PPA2: variants seen among roughly 807,000 people sequenced by gnomAD.
PPA2 encodes the protein inorganic pyrophosphatase 2, mitochondrial.
Under a neutral mutation model 49.5 loss-of-function variants are expected in PPA2, and 48 were observed. The ratio of observed to expected loss-of-function variants is 0.97; its 90% CI spans 0.77 to 1.23. PPA2 has a LOEUF of 1.23. Ranked by LOEUF, PPA2 falls within the 50% of genes most tolerant of loss-of-function variation. PPA2 has a pLI of 0.00. For missense variants in PPA2, 429 were observed against 410.1 expected (o/e 1.05, Z -0.40); for synonymous variants, 131 against 139.9 (o/e 0.94, Z 0.45).
intron 10 of PPA2, among the ~76,000 whole-genome samples, chr4:105,371,507 G>A (rs1057373326): frequency 6.6e-6 from 1 of 152,090 alleles, no homozygotes; most frequent in Non-Finnish European, 1.5e-5. Context: ...CATCCAAGTA[G>A]AGAAATGAAA....
chr4:105,469,236 G>GC (rs529876425), intron 1 of PPA2, among the ~76,000 whole-genome samples: 44 of 152,204 alleles, frequency 2.9e-4, no homozygotes, highest in African/African-American at 7.7e-4. Context: ...GTGTCCTTAG[G>GC]CATTAATTGC....
At chr4:105,394,568 G>C (rs1007664552) in intron 9 of PPA2, among the ~76,000 whole-genome samples, 2 of 152,056 alleles carry the variant, frequency 1.3e-5, no homozygotes, top group African/African-American at 4.8e-5. Flanking sequence ...AAATCACTCA[G>C]AACGTGGAAC....
chr4:105,463,760 C>T lies in PPA2; in HGVS notation c.158-7015G>A, dbSNP rs193049454. Among the ~76,000 whole-genome samples the T allele has an allele frequency of 2.7e-3, 411 of 152,280 alleles. 2 individuals are homozygous for T. The highest frequency in any genetic ancestry group is 9.2e-3 in the African/African-American group (382 of 41,566). On this transcript the variant is annotated intron_variant, in intron 1 of 11. Transcript: ENST00000341695. ...GGTACAGCTTGGGTTTTTGCTTCAGCGGGTGGAAGCCCCAAGACTTGGCAG... is the reference window on the plus strand; with the variant it reads ...GGTACAGCTTGGGTTTTTGCTTCAGTGGGTGGAAGCCCCAAGACTTGGCAG...
rs1733693632 is a variant in PPA2 at position 105,386,591 on chromosome 4, C to T, written c.915G>A (p.Glu305=). The stretch of plus-strand genomic sequence containing the variant: ...CCGATTCAACTAATGATCTTGCTTC[C>T]TCTTGAGTGCAACGGAAAGGGCTAT... ...ISDSPFRCTQ[E]EARSLVESVS... is the part of the protein sequence containing the mutation. The change falls in exon 10 of 12, where the codon GAG becomes GAA. Residue 305 remains glutamate, a synonymous_variant. Coordinates refer to ENST00000341695, the MANE Select transcript of PPA2 (RefSeq NM_176869.3). The T allele has an allele frequency of 2.5e-6, 4 of 1,612,240 alleles. No homozygotes were observed. In the South Asian group the frequency reaches 4.4e-5, roughly 18 times the overall value.
chr4:105,454,170 T>G (rs1722780814), intron 2 of PPA2, among the ~76,000 whole-genome samples: 1 of 152,222 alleles, frequency 6.6e-6, no homozygotes, highest in African/African-American at 2.4e-5. Flanking sequence ...GAAGAAAAAT[T>G]ATGCCATTCA....
At chr4:105,463,101 G>A (rs967932815) in intron 1 of PPA2, among the ~76,000 whole-genome samples, 2 of 152,212 alleles carry the variant, frequency 1.3e-5, no homozygotes, top group African/African-American at 4.8e-5. Flanking sequence ...AGTCTGGAGG[G>A]CTCTGAAGAA....
chr4:105,461,000 G>A (rs1723067552), intron 1 of PPA2, among the ~76,000 whole-genome samples: 1 of 152,056 alleles, frequency 6.6e-6, no homozygotes, highest in African/African-American at 2.4e-5. Context: ...ATGTAATAGT[G>A]AAGAAAAAGA....
intron 9 of PPA2, among the ~76,000 whole-genome samples, chr4:105,394,484 T>G (rs1427573706): frequency 6.6e-6 from 1 of 151,988 alleles, no homozygotes; most frequent in Non-Finnish European, 1.5e-5. Context: ...GTGGACTCAA[T>G]TTCTTCATGT....
intron 5 of PPA2, among the ~76,000 whole-genome samples, chr4:105,444,781 T>C (rs1724528404): frequency 6.6e-6 from 1 of 152,206 alleles, no homozygotes; most frequent in South Asian, 2.1e-4. Context: ...AGTTCTTGAT[T>C]GCCCCAATCA....
chr4:105,384,872 A>C (rs1291919405), intron 10 of PPA2, among the ~76,000 whole-genome samples: 1 of 152,174 alleles, frequency 6.6e-6, no homozygotes, highest in Non-Finnish European at 1.5e-5. Context: ...TAAGAAATGC[A>C]ATCCTTAAAT....
At chr4:105,467,215 T>C (rs932595596) in intron 1 of PPA2, among the ~76,000 whole-genome samples, 2 of 152,174 alleles carry the variant, frequency 1.3e-5, no homozygotes, top group Non-Finnish European at 2.9e-5. Flanking sequence ...TAATATTTGA[T>C]ATTGAATGGT....
intron 5 of PPA2, among the ~76,000 whole-genome samples, chr4:105,442,428 G>C (rs1486542524): frequency 6.6e-6 from 1 of 152,046 alleles, no homozygotes; most frequent in Non-Finnish European, 1.5e-5. Flanking sequence ...TATTTGATTG[G>C]GGAGGTCAAT....
chr4:105,383,448 G>A (rs1733570742), intron 10 of PPA2, among the ~76,000 whole-genome samples: 1 of 152,054 alleles, frequency 6.6e-6, no homozygotes, highest in African/African-American at 2.4e-5. Flanking sequence ...CTAACAATTT[G>A]TTTCGTCTCA....
chr4:105,447,020 G>C (rs966788454), intron 4 of PPA2, among the ~76,000 whole-genome samples: 3 of 152,056 alleles, frequency 2.0e-5, no homozygotes, highest in Admixed American at 6.6e-5. Context: ...ACAGTAAAAG[G>C]CATCCAAAGT....
At chr4:105,457,580 C>T (rs1455454968) in intron 1 of PPA2, among the ~76,000 whole-genome samples, 4 of 151,782 alleles carry the variant, frequency 2.6e-5, no homozygotes, top group Admixed American at 1.3e-4. Flanking sequence ...CACCAGCAAC[C>T]ACATCTTGGT....
chr4:105,396,035 T>C (rs964532252), intron 9 of PPA2, among the ~76,000 whole-genome samples: 1 of 152,180 alleles, frequency 6.6e-6, no homozygotes, highest in Non-Finnish European at 1.5e-5. Context: ...CATTTATTTA[T>C]CAGTATTCCC....
chr4:105,377,868 A>C (rs1457319713), intron 10 of PPA2, among the ~76,000 whole-genome samples: 1 of 152,110 alleles, frequency 6.6e-6, no homozygotes, highest in Admixed American at 6.5e-5. Flanking sequence ...ATGTGTCAAT[A>C]ATCTATTCCT....
In PPA2 at chr4:105,401,187, TC is replaced by T. The variant is rs1447384249; in HGVS notation, c.656-2024del. Among the ~76,000 whole-genome samples the T allele has an allele frequency of 2.0e-5, 3 of 152,228 alleles. No homozygotes were observed. The East Asian group carries it at 5.8e-4, about 29-fold the overall frequency. The stretch of plus-strand genomic sequence containing the variant: ...TATATATAAAACTTAAACTTGTTCC[TC>T]ACGAAATTCCTGAGAGTTAAAAACA... On this transcript the variant is annotated intron_variant, in intron 7 of 11. Coordinates refer to ENST00000341695, the MANE Select transcript of PPA2 (RefSeq NM_176869.3).
intron 9 of PPA2, among the ~76,000 whole-genome samples, chr4:105,393,360 G>T (rs1734001642): frequency 6.6e-6 from 1 of 151,432 alleles, no homozygotes; most frequent in Admixed American, 6.6e-5. Context: ...CAGGTGTGGT[G>T]GTGCATGCCT....
Sources: gnomAD v4.1 joint callset for allele counts (sites outside exome capture counted in the v4.1 genomes callset) on GRCh38, gnomAD v4.1.1 for gene constraint, MANE v1.5 for transcripts, NCBI Gene and HGNC (gene_info 2026-07-23, HGNC 2026-07-21) for gene names.